The following DPP10 variants were observed in gnomAD, a reference collection of about 807,000 sequenced individuals.
The protein encoded by DPP10 is inactive dipeptidyl peptidase 10.
DPP10 carries 33 observed loss-of-function variants against 120.9 expected under a neutral mutation model. The ratio of observed to expected loss-of-function variants is 0.27; its 90% CI spans 0.21 to 0.37. The LOEUF is 0.37. Ranked by LOEUF, DPP10 falls within the 10% of genes least tolerant of loss-of-function variation. The pLI, the probability that DPP10 is intolerant of heterozygous loss-of-function variation, is 1.00. For synonymous variants in DPP10, 337 were observed against 326.1 expected (o/e 1.03, Z -0.36); for missense variants, 816 against 942.8 (o/e 0.87, Z 1.76).
At chr2:115,605,399 AT>A (rs2083639472) in intron 5 of DPP10, among the ~76,000 whole-genome samples, 1 of 152,094 alleles carries the variant, frequency 6.6e-6, no homozygotes, top group Admixed American at 6.6e-5. Flanking sequence ...GATCTTTTTA[AT>A]TTATTACCTG....
At chr2:114,469,344 A>T (rs1679702753) in intron 1 of DPP10, among the ~76,000 whole-genome samples, 1 of 152,256 alleles carries the variant, frequency 6.6e-6, no homozygotes, top group Admixed American at 6.5e-5. Flanking sequence ...TCTCAAACAA[A>T]AGTAATTATC....
intron 1 of DPP10, among the ~76,000 whole-genome samples, chr2:114,827,483 T>C (rs188362394): frequency 2.6e-5 from 4 of 152,312 alleles, no homozygotes; most frequent in Non-Finnish European, 4.4e-5. Context: ...TATCTAATTA[T>C]GGCCATAAGC....
chr2:115,192,364 C>A lies in DPP10; in HGVS notation c.61-116875C>A, dbSNP rs139174356. ...AATGGCCTTAAGCCTGGACTCCTTC[C>A]CCCAAGGGGTAATCTTTTACTAAGC... On this transcript the variant is annotated intron_variant, in intron 1 of 25. Coordinates refer to ENST00000410059, the MANE Select transcript of DPP10 (RefSeq NM_020868.6). 7.9e-5 allele frequency among the ~76,000 whole-genome samples: 12 copies of A among 152,288 alleles called. No individual in the cohort carries two copies. The East Asian group carries it at 2.3e-3, about 29-fold the overall frequency.
At chr2:115,651,648 G>T (rs564773484) in intron 5 of DPP10, among the ~76,000 whole-genome samples, 1 of 152,066 alleles carries the variant, frequency 6.6e-6, no homozygotes, top group East Asian at 1.9e-4. Flanking sequence ...GTCAGTCAGG[G>T]TACAGACAGG....
intron 1 of DPP10, chr2:115,064,603 C>G: frequency 8.2e-7 from 1 of 1,224,928 alleles, no homozygotes; most frequent in African/African-American, 1.5e-5. Context: ...TAGGTGGGCA[C>G]TGACGTAGAT....
intron 1 of DPP10, among the ~76,000 whole-genome samples, chr2:114,509,447 A>G (rs1444065603): frequency 6.6e-6 from 1 of 152,200 alleles, no homozygotes; most frequent in Non-Finnish European, 1.5e-5. Context: ...TTAGTCGAGA[A>G]ATTAAATAAT....
chr2:114,812,073 T>C (rs114252046), intron 1 of DPP10, among the ~76,000 whole-genome samples: 7,194 of 152,250 alleles, frequency 0.047, 250 homozygotes, highest in Middle Eastern at 0.065. Flanking sequence ...AATGAAAGCC[T>C]CTGTCAGGGA....
intron 3 of DPP10, among the ~76,000 whole-genome samples, chr2:115,478,428 G>C (rs1039323684): frequency 1.3e-5 from 2 of 152,160 alleles, no homozygotes; most frequent in African/African-American, 4.8e-5. Context: ...TATCACTTAA[G>C]TGTTAAACCT....
chr2:114,662,062 G>A (rs1287707630), intron 1 of DPP10, among the ~76,000 whole-genome samples: 1 of 151,832 alleles, frequency 6.6e-6, no homozygotes, highest in Non-Finnish European at 1.5e-5. Context: ...CCTCAGGTCG[G>A]CCGGCTGCCC....
At chr2:115,083,474 C>A (rs1001363900) in intron 1 of DPP10, among the ~76,000 whole-genome samples, 7 of 152,262 alleles carry the variant, frequency 4.6e-5, no homozygotes, top group South Asian at 2.1e-4. Flanking sequence ...CACCCAGCAA[C>A]CTACTAGAGA....
At chr2:114,571,003 G>A (rs548139539) in intron 1 of DPP10, among the ~76,000 whole-genome samples, 7 of 152,036 alleles carry the variant, frequency 4.6e-5, no homozygotes, top group East Asian at 1.9e-4. Flanking sequence ...GTTCTGACAC[G>A]GCTTCCAGGG....
chr2:115,674,076 C>T (rs1280342718), intron 5 of DPP10, among the ~76,000 whole-genome samples: 1 of 151,544 alleles, frequency 6.6e-6, no homozygotes, highest in Non-Finnish European at 1.5e-5. Context: ...ACAAAACAAA[C>T]TAGCTGGGCA....
At chr2:114,860,707 C>A (rs1222958509) in intron 1 of DPP10, among the ~76,000 whole-genome samples, 1 of 152,148 alleles carries the variant, frequency 6.6e-6, no homozygotes, top group Non-Finnish European at 1.5e-5. Flanking sequence ...TATTTAGTGA[C>A]AAAATTAATG....
intron 1 of DPP10, among the ~76,000 whole-genome samples, chr2:114,868,405 A>G (rs950168515): frequency 3.3e-5 from 5 of 152,152 alleles, no homozygotes; most frequent in Admixed American, 2.0e-4. Context: ...AGTGACTCTG[A>G]CCTCATCCGT....
intron 1 of DPP10, among the ~76,000 whole-genome samples, chr2:115,236,129 T>C (rs1401127798): frequency 1.3e-5 from 2 of 152,174 alleles, no homozygotes; most frequent in East Asian, 3.8e-4. Context: ...ATTGTAACCA[T>C]ATAAGGAGTT....
intron 1 of DPP10, among the ~76,000 whole-genome samples, chr2:114,502,148 G>C (rs892487544): frequency 2.0e-5 from 3 of 151,878 alleles, no homozygotes; most frequent in Non-Finnish European, 4.4e-5. Flanking sequence ...TAGAGACGGG[G>C]TTTATCATAT....
intron 1 of DPP10, among the ~76,000 whole-genome samples, chr2:114,905,262 T>TG (rs1264728644): frequency 6.7e-6 from 1 of 149,446 alleles, no homozygotes. Flanking sequence ...CAAATTTGGG[T>TG]GGGGGGAGTG....
At chr2:115,373,446 T>C (rs1268643693) in intron 3 of DPP10, among the ~76,000 whole-genome samples, 1 of 152,080 alleles carries the variant, frequency 6.6e-6, no homozygotes, top group Non-Finnish European at 1.5e-5. Flanking sequence ...TAAGATTATA[T>C]TGAAGCTTTG....
At chr2:115,209,288 A>G (rs964927396) in intron 1 of DPP10, among the ~76,000 whole-genome samples, 6 of 152,168 alleles carry the variant, frequency 3.9e-5, no homozygotes, top group African/African-American at 1.4e-4. Context: ...AGGGAACATG[A>G]GCACCTTGGC....
Sources: allele counts gnomAD v4.1 joint callset (sites outside exome capture counted in the v4.1 genomes callset), GRCh38; gene constraint gnomAD v4.1.1; transcripts MANE v1.5; gene names NCBI Gene and HGNC (gene_info 2026-07-23, HGNC 2026-07-21).